Variants in MYO1H observed in about 807,000 individuals in gnomAD.
The protein encoded by MYO1H is unconventional myosin-Ih.
In MYO1H, 118 loss-of-function variants were observed where a neutral mutation model predicts 149.3. The observed-to-expected ratio is 0.79, with a 90% CI of 0.68 to 0.92. The LOEUF (loss-of-function observed/expected upper bound fraction) is 0.92, where lower values mean the gene tolerates loss of function less well. MYO1H is among the 40% of genes least tolerant of loss of function. The pLI, the probability that MYO1H is intolerant of heterozygous loss-of-function variation, is 0.00. For missense variants in MYO1H, 1,212 were observed against 1,280.7 expected, an observed-to-expected ratio of 0.95 and a Z score of 0.82; for synonymous variants, 447 against 465.2, an observed-to-expected ratio of 0.96 and a Z score of 0.50.
At chr12:109,423,402 T>C (rs1045159527) in intron 16 of MYO1H, among the ~76,000 whole-genome samples, 3 of 152,216 alleles carry the variant, frequency 2.0e-5, no homozygotes, top group Non-Finnish European at 4.4e-5. Context: ...CCTCAGGTGA[T>C]CCACCCGCCT....
the MYO1H span, among the ~76,000 whole-genome samples, chr12:109,334,805 G>T: frequency 2.6e-5 from 4 of 152,084 alleles, no homozygotes; most frequent in African/African-American, 9.7e-5. Flanking sequence ...CATAAAACTT[G>T]CCCTTTTAAA....
intron 30 of MYO1H, 63 bp downstream of exon 30, chr12:109,444,592 C>G: frequency 1.5e-6 from 2 of 1,295,726 alleles, no homozygotes; most frequent in East Asian, 4.7e-5. Context: ...TAAGGCCGAG[C>G]GTGGTGGCTC....
chr12:109,330,236 C>G, the MYO1H span, among the ~76,000 whole-genome samples: 42 of 152,064 alleles, frequency 2.8e-4, 1 homozygote, highest in Non-Finnish European at 4.4e-5. Context: ...AAAATTATTC[C>G]AAATAAAGTG....
intron 1 of MYO1H, among the ~76,000 whole-genome samples, chr12:109,370,864 C>T (rs1379335855): frequency 1.3e-5 from 2 of 152,190 alleles, no homozygotes; most frequent in Non-Finnish European, 2.9e-5. Context: ...AGACTTACCC[C>T]TGAGAGGCTT....
intron 15 of MYO1H, 70 bp downstream of exon 15, chr12:109,415,690 G>T: frequency 8.6e-7 from 1 of 1,164,042 alleles, no homozygotes; most frequent in Non-Finnish European, 1.2e-6. Context: ...TAAGCTCCGA[G>T]TCCATGCAGG....
chr12:109,386,627 A>T (rs997280958), intron 1 of MYO1H, among the ~76,000 whole-genome samples: 9 of 152,302 alleles, frequency 5.9e-5, no homozygotes, highest in Admixed American at 2.0e-4. Flanking sequence ...GTGTATTGCC[A>T]ATTTGTCTAT....
intron 2 of MYO1H, among the ~76,000 whole-genome samples, chr12:109,392,232 A>G (rs573965798): frequency 6.6e-6 from 1 of 152,312 alleles, no homozygotes; most frequent in East Asian, 1.9e-4. Flanking sequence ...CGGAGCCTGT[A>G]TGATCTGAGC....
rs149669598 is a variant in MYO1H at position 109,371,609 on chromosome 12, T to C, written c.13-17074T>C. The stretch of plus-strand genomic sequence containing the variant: ...TGCATGAACCATAATTTAATTTACC[T>C]GTTTCCTATTGATGGATATTGAGGT... On this transcript the variant is annotated intron_variant, in intron 1 of 31. Transcript: ENST00000310903. Among the ~76,000 whole-genome samples the C allele has an allele frequency of 9.6e-3, 1,456 of 152,344 alleles. 9 individuals are homozygous for C. Among genetic ancestry groups the C allele is most frequent in the Non-Finnish European group, 0.016 (1,069 of 68,026 alleles).
At chr12:109,384,200 C>T (rs1255013932) in intron 1 of MYO1H, among the ~76,000 whole-genome samples, 5 of 152,164 alleles carry the variant, frequency 3.3e-5, no homozygotes, top group African/African-American at 1.2e-4. Context: ...ACCCAGTCCC[C>T]ATCACCTGGC....
intron 6 of MYO1H, among the ~76,000 whole-genome samples, chr12:109,403,559 T>G (rs1870253638): frequency 6.6e-6 from 1 of 152,230 alleles, no homozygotes; most frequent in Non-Finnish European, 1.5e-5. Context: ...AAAGGCTTCT[T>G]TCATCTAGTC....
At position 109,404,081 on chromosome 12, in the gene MYO1H, G is replaced by A. The variant is rs751817441; in HGVS notation, c.849+1G>A. On this transcript the variant is annotated splice_donor_variant, in intron 7 of 31. Coordinates refer to ENST00000310903, the Ensembl canonical transcript of MYO1H. LOFTEE classifies it high-confidence loss of function. The stretch of plus-strand genomic sequence containing the variant: ...TGATTTTACTGAAGCTGACCTCGAG[G>A]TACGTGCTTTTGCAGCAGAACTGAT... 1 of 1,611,292 alleles carries A rather than the reference G, an allele frequency of 6.2e-7. No individual in the cohort carries two copies. The highest frequency in any genetic ancestry group is 8.5e-7 in the Non-Finnish European group (1 of 1,178,032).
chr12:109,344,201 C>T (rs1361913855), upstream of MYO1H, among the ~76,000 whole-genome samples: 1 of 152,046 alleles, frequency 6.6e-6, no homozygotes, highest in Non-Finnish European at 1.5e-5. Context: ...ACATACTATC[C>T]ACATGATATA....
chr12:109,314,643 C>A, the MYO1H span, among the ~76,000 whole-genome samples: 4 of 152,108 alleles, frequency 2.6e-5, no homozygotes, highest in African/African-American at 9.7e-5. Flanking sequence ...ATCCTCACTT[C>A]CCCATCTCTC....
chr12:109,442,279 C>T lies in MYO1H; in HGVS notation c.2688+7C>T, dbSNP rs372427807. 33 of 1,612,524 alleles carry T rather than the reference C, an allele frequency of 2.0e-5. No individual in the cohort carries two copies. Among genetic ancestry groups the T allele is most frequent in the Middle Eastern group, 1.6e-4 (1 of 6,080 alleles). Reference sequence around the variant, plus strand: ...TAGCCATGAGAAAATCCAGGTAAGGCGATGTGTGTCCTCAGTCTCAAACAG... The same window carrying T: ...TAGCCATGAGAAAATCCAGGTAAGGTGATGTGTGTCCTCAGTCTCAAACAG... On this transcript the variant is annotated splice_region_variant and intron_variant, in intron 27 of 31. Transcript: ENST00000310903.
chr12:109,321,432 A>C, the MYO1H span, among the ~76,000 whole-genome samples: 1 of 151,880 alleles, frequency 6.6e-6, no homozygotes, highest in African/African-American at 2.4e-5. Flanking sequence ...GGGCGCCTGT[A>C]ATCCCAGCTA....
chr12:109,331,435 G>A, the MYO1H span, among the ~76,000 whole-genome samples: 2 of 151,836 alleles, frequency 1.3e-5, no homozygotes, highest in African/African-American at 4.8e-5. Flanking sequence ...ATTTGGCATG[G>A]GCCGAATCCC....
At chr12:109,382,910 A>G (rs2137026859) in intron 1 of MYO1H, among the ~76,000 whole-genome samples, 1 of 148,446 alleles carries the variant, frequency 6.7e-6, no homozygotes, top group South Asian at 2.1e-4. Context: ...ATAAATATAT[A>G]AATATATAAA....
At chr12:109,404,193 T>TGCAGCTGGGTGTGGTGGCGC (rs1870280792) in intron 7 of MYO1H, 113 bp downstream of exon 7, 1 of 777,384 alleles carries the variant, frequency 1.3e-6, no homozygotes, top group Non-Finnish European at 2.1e-6. Context: ...AAATACAGGA[T>TGCAGCTGGGTGTGGTGGCGC]GCAGCTGGGT....
the MYO1H span, among the ~76,000 whole-genome samples, chr12:109,311,704 T>C: frequency 1.3e-5 from 2 of 152,240 alleles, no homozygotes; most frequent in African/African-American, 4.8e-5. Flanking sequence ...CCTGCGTCCA[T>C]AGCTTCATTA....
Sources: allele counts gnomAD v4.1 joint callset (sites outside exome capture counted in the v4.1 genomes callset), GRCh38; gene constraint gnomAD v4.1.1; transcripts MANE v1.5; gene names NCBI Gene and HGNC (gene_info 2026-07-23, HGNC 2026-07-21).